The following CTSL variants were observed in gnomAD, a reference collection of about 807,000 sequenced individuals.
CTSL encodes cathepsin L.
CTSL carries 23 observed loss-of-function variants against 34.7 expected under a neutral mutation model. That is an observed-to-expected ratio of 0.66 (90% confidence interval 0.48 to 0.94). CTSL has a LOEUF of 0.94. Among genes scored for constraint, CTSL ranks in the 40% least tolerant of loss-of-function variants. CTSL has a pLI of 0.00. For missense variants in CTSL, 361 were observed against 406.3 expected (o/e 0.89, Z 0.96); for synonymous variants, 129 against 136.7 (o/e 0.94, Z 0.39).
chr9:87,727,505 C>T (rs1826064583), intron 1 of CTSL, 89 bp from the exon 2 acceptor site: 2 of 1,280,854 alleles, frequency 1.6e-6, no homozygotes, highest in South Asian at 1.3e-5. Flanking sequence ...TATTTTTATT[C>T]TACCATGGTG....
At chr9:87,730,224 C>CT (rs1180511480) in intron 6 of CTSL, among the ~76,000 whole-genome samples, 157 bp from the exon 7 acceptor site, 1 of 152,058 alleles carries the variant, frequency 6.6e-6, no homozygotes, top group Admixed American at 6.6e-5. Context: ...TAAATGAGAG[C>CT]TTAAATCCCT....
At chr9:87,730,093 CT>C (rs1461470700) in intron 6 of CTSL, among the ~76,000 whole-genome samples, 3 of 152,002 alleles carry the variant, frequency 2.0e-5, no homozygotes. Flanking sequence ...GTGTTCTGTG[CT>C]ATTTTTTTAG....
In CTSL at chr9:87,727,651, A is replaced by G; in HGVS notation, c.48A>G (p.Ser16=). ...CTGCCTTTTGCCTGGGAATTGCCTC[A>G]GCTACTCTAACATTTGATCACAGTT... ...ILAAFCLGIA[S]ATLTFDHSLE... The change falls in exon 2 of 8, where the codon TCA becomes TCG. Residue 16 remains serine, a synonymous_variant. Coordinates refer to ENST00000343150, the MANE Select transcript of CTSL (RefSeq NM_001912.5). 6.2e-7 allele frequency: 1 copy of G among 1,614,100 alleles called. No individual in the cohort carries two copies. Among genetic ancestry groups the G allele is most frequent in the Non-Finnish European group, 8.5e-7 (1 of 1,180,020 alleles).
Position 87,731,171 on chromosome 9 carries a change from T to G in CTSL, c.*64T>G. On this transcript the variant is annotated 3_prime_UTR_variant, in exon 8 of 8. Transcript: ENST00000343150. ...GGCGCATGCATGGGAGGAATTCATC[T>G]TCAGTCTACCAGCCCCCGCTGTGTC... 8.0e-7 allele frequency: 1 copy of G among 1,255,826 alleles called. No individual in the cohort carries two copies. The highest frequency in any genetic ancestry group is 1.2e-6 in the Non-Finnish European group (1 of 864,966). 77.8% of individuals were successfully genotyped at this position (1,255,826 alleles called of 1,614,324 possible).
In CTSL at chr9:87,727,750, A is replaced by G. The variant is rs761139287; in HGVS notation, c.126+21A>G. On this transcript the variant is annotated intron_variant, in intron 2 of 7. Coordinates refer to ENST00000343150, the MANE Select transcript of CTSL (RefSeq NM_001912.5). ...GCATGGTTAGTGAAACTTCCCCAGA[A>G]AGAATAGTCCTGGCTGTTGAGAAGT... The G allele has an allele frequency of 2.5e-6, 4 of 1,613,960 alleles. No homozygotes were observed. In the East Asian group the frequency reaches 6.7e-5, roughly 27 times the overall value.
intron 2 of CTSL, 30 bp from the exon 3 acceptor site, chr9:87,727,997 A>G (rs777882759): frequency 8.1e-6 from 13 of 1,611,610 alleles, no homozygotes; most frequent in Admixed American, 1.7e-5. Context: ...AGGTAGAAGT[A>G]AAGAGCATCA....
At chr9:87,727,169 G>A (rs1826045603) in intron 1 of CTSL, among the ~76,000 whole-genome samples, 1 of 152,148 alleles carries the variant, frequency 6.6e-6, no homozygotes, top group African/African-American at 2.4e-5. Flanking sequence ...GGATCTCTTT[G>A]TCCCTACTTG....
chr9:87,728,589 A>T lies in CTSL; in HGVS notation c.401A>T (p.Gln134Leu). The T allele has an allele frequency of 2.5e-6, 4 of 1,612,432 alleles. No homozygotes were observed. Among genetic ancestry groups the T allele is most frequent in the Non-Finnish European group, 3.4e-6 (4 of 1,179,192 alleles). Residue 134 changes from glutamine to leucine, a missense_variant, in exon 5 of 8, where the codon CAG (glutamine) becomes CTG (leucine). Physicochemically the swap from Gln to Leu is moderately radical, Grantham distance 113. Transcript: ENST00000343150. ...GYVTPVKNQG[Q>L]CGSCWAFSAT... ...TTTTTTTAATTCCCTTTTCAGGGTCAGTGTGGTTCTTGTTGGGCTTTTAGT... is the reference window on the plus strand; with the variant it reads ...TTTTTTTAATTCCCTTTTCAGGGTCTGTGTGGTTCTTGTTGGGCTTTTAGT...
At position 87,728,071 on chromosome 9, in the gene CTSL, G is replaced by A; in HGVS notation, c.171G>A (p.Lys57=). 1 of 1,613,962 alleles carries A rather than the reference G, an allele frequency of 6.2e-7. No individual in the cohort carries two copies. The highest frequency in any genetic ancestry group is 1.7e-5 in the Admixed American group (1 of 60,014). ...WRRAVWEKNM[K]MIELHNQEYR... ...GAGCAGTGTGGGAGAAGAACATGAA[G>A]ATGATTGAACTGCACAATCAGGAAT... is the stretch of plus-strand genomic sequence containing the variant. Residue 57 remains lysine, a synonymous_variant, in exon 3 of 8, where the codon AAG becomes AAA. Transcript: ENST00000343150.
rs1211506060 is a variant in CTSL, at chr9:87,728,165, A to G, written c.249+16A>G. On this transcript the variant is annotated intron_variant, in intron 3 of 7. Coordinates refer to ENST00000343150, the MANE Select transcript of CTSL (RefSeq NM_001912.5). ...TGGAGACATGGTAAGTGTGCTGTGGACTGCCGAGCTCTGTGCTTCCTCTCT... is the reference window on the plus strand; with the variant it reads ...TGGAGACATGGTAAGTGTGCTGTGGGCTGCCGAGCTCTGTGCTTCCTCTCT... 1.3e-5 allele frequency: 21 copies of G among 1,614,134 alleles called. No individual in the cohort carries two copies. Among genetic ancestry groups the G allele is most frequent in the Non-Finnish European group, 1.7e-5 (20 of 1,180,040 alleles).
Position 87,730,518 on chromosome 9 carries a change from C to A in CTSL, c.902+20C>A. The A allele has an allele frequency of 1.3e-6, 2 of 1,510,074 alleles. No homozygotes were observed. Among genetic ancestry groups the A allele is most frequent in the South Asian group, 1.2e-5 (1 of 86,522 alleles). The allele number at this position is 1,510,074 out of a possible 1,614,324, so 93.5% of individuals were successfully genotyped here. A position where few individuals can be genotyped will look rare whatever the true frequency, so the allele number is the denominator to read the frequency against. ...GAACAGGTATAAATTGCCAGAAATA[C>A]TTACATTTGAAATTCAAAAGAGAAT... On this transcript the variant is annotated intron_variant, in intron 7 of 7. Transcript: ENST00000343150.
chr9:87,726,712 A>G (rs1403105713), intron 1 of CTSL, among the ~76,000 whole-genome samples: 1 of 152,126 alleles, frequency 6.6e-6, no homozygotes, highest in East Asian at 1.9e-4. Context: ...TCTCCTTCCC[A>G]GTTTTTCCTG....
chr9:87,727,938 T>C, intron 2 of CTSL, 89 bp from the exon 3 acceptor site: 1 of 1,575,460 alleles, frequency 6.3e-7, no homozygotes, highest in Non-Finnish European at 8.6e-7. Flanking sequence ...CCATGGTTTC[T>C]CTTCCATCTC....
chr9:87,730,504 A>G lies in CTSL; in HGVS notation c.902+6A>G. On this transcript the variant is annotated splice_donor_region_variant and intron_variant, in intron 7 of 7. Transcript: ENST00000343150. The stretch of plus-strand genomic sequence containing the variant: ...TATTGGCTGGTGAAGAACAGGTATA[A>G]ATTGCCAGAAATACTTACATTTGAA... 4 of 1,550,676 alleles carry G rather than the reference A, an allele frequency of 2.6e-6. No homozygotes were observed. Among genetic ancestry groups the G allele is most frequent in the East Asian group, 2.3e-5 (1 of 44,214 alleles).
At chr9:87,727,456 C>A in intron 1 of CTSL, 138 bp from the exon 2 acceptor site, 1 of 925,956 alleles carries the variant, frequency 1.1e-6, no homozygotes, top group Admixed American at 2.8e-5. Context: ...TTGGCCTCTT[C>A]CACAGTCCTT....
In CTSL at chr9:87,728,328, C is replaced by A. The variant is rs187160957; in HGVS notation, c.328C>A (p.Leu110Met). ...GAAGGGGAAAGTGTTCCAGGAACCT[C>A]TGTTTTATGAGGCCCCCAGATCTGT... ...PRKGKVFQEP[L>M]FYEAPRSVDW... is the part of the protein sequence containing the mutation. The change falls in exon 4 of 8, where the codon CTG (leucine) becomes ATG (methionine). Residue 110 changes from leucine (L) to methionine (M), a missense_variant. By Grantham distance (15) the Leu-to-Met change is conservative. Coordinates refer to ENST00000343150, the MANE Select transcript of CTSL (RefSeq NM_001912.5). 2.1e-5 allele frequency: 34 copies of A among 1,614,154 alleles called. No individual in the cohort carries two copies. In the Admixed American group the frequency reaches 2.5e-4, roughly 12 times the overall value.
chr9:87,729,515 G>T, intron 5 of CTSL, 58 bp from the exon 6 acceptor site: 1 of 1,515,410 alleles, frequency 6.6e-7, no homozygotes, highest in East Asian at 2.3e-5. Context: ...TCTAACTCAT[G>T]TTCTCCAGGA....
At chr9:87,730,860 T>C (rs1826230890) in intron 7 of CTSL, 148 bp from the exon 8 acceptor site, 2 of 626,140 alleles carry the variant, frequency 3.2e-6, no homozygotes, top group Non-Finnish European at 2.7e-6. Flanking sequence ...ATGTCAAGAA[T>C]TTTTTAAGGA....
chr9:87,728,603 TG>T lies in CTSL; in HGVS notation c.418del (p.Ala140LeufsTer22). 1 of 1,614,136 alleles carries T rather than the reference TG, an allele frequency of 6.2e-7. No homozygotes were observed. Among genetic ancestry groups the T allele is most frequent in the Non-Finnish European group, 8.5e-7 (1 of 1,180,012 alleles). On this transcript the variant is annotated frameshift_variant, in exon 5 of 8. Coordinates refer to ENST00000343150, the MANE Select transcript of CTSL (RefSeq NM_001912.5). LOFTEE classifies it high-confidence loss of function. Reference protein sequence around the residue: ...VKNQGQCGSCWAFSATGALEG... With the variant: ...VKNQGQCGSCXAFSATGALEG... ...TTTTCAGGGTCAGTGTGGTTCTTGT[TG>T]GGCTTTTAGTGCTACTGGTGCTCTT... is the stretch of plus-strand genomic sequence containing the variant.
Sources: allele counts gnomAD v4.1 joint callset (sites outside exome capture counted in the v4.1 genomes callset), GRCh38; gene constraint gnomAD v4.1.1; transcripts MANE v1.5; gene names NCBI Gene and HGNC (gene_info 2026-07-23, HGNC 2026-07-21).